The following MYO9A variants were observed in gnomAD, a reference collection of about 807,000 sequenced individuals.
MYO9A encodes unconventional myosin-IXa.
Under a neutral mutation model 293.3 loss-of-function variants are expected in MYO9A, and 103 were observed. That is an observed-to-expected ratio of 0.35 (90% CI 0.30 to 0.41). MYO9A has a LOEUF of 0.41. Among genes scored for constraint, MYO9A ranks in the 10% least tolerant of loss-of-function variants. The probability of loss-of-function intolerance (pLI) is 1.00; values close to 1 mark genes in which losing one functional copy is unlikely to be tolerated. For missense variants in MYO9A, 2,685 were observed against 3,033.0 expected, an observed-to-expected ratio of 0.89 and a Z score of 2.69; for synonymous variants, 1,001 against 1,035.7, an observed-to-expected ratio of 0.97 and a Z score of 0.64.
intron 32 of MYO9A, among the ~76,000 whole-genome samples, chr15:71,873,471 GT>G (rs151098311): frequency 2.5e-4 from 37 of 148,904 alleles, no homozygotes; most frequent in African/African-American, 8.9e-4. Flanking sequence ...TGCTGGGTCA[GT>G]TTTTTTTTTC....
chr15:72,051,431 T>TCTGG (rs1017984294), intron 1 of MYO9A, among the ~76,000 whole-genome samples: 1 of 152,080 alleles, frequency 6.6e-6, no homozygotes, highest in Non-Finnish European at 1.5e-5. Context: ...CAGGCATCAC[T>TCTGG]GTGCTCTTGG....
intron 3 of MYO9A, among the ~76,000 whole-genome samples, chr15:72,029,772 C>T (rs2149383778): frequency 6.6e-6 from 1 of 152,254 alleles, no homozygotes; most frequent in South Asian, 2.1e-4. Flanking sequence ...AACTTCTTAC[C>T]CAAATGGGTG....
chr15:72,074,480 C>G (rs1218380421), intron 1 of MYO9A, among the ~76,000 whole-genome samples: 1 of 152,154 alleles, frequency 6.6e-6, no homozygotes, highest in Non-Finnish European at 1.5e-5. Flanking sequence ...TCTAGGCTAA[C>G]AGACAAGTGA....
intron 7 of MYO9A, among the ~76,000 whole-genome samples, chr15:72,008,462 T>C (rs949905424): frequency 2.7e-5 from 4 of 150,726 alleles, no homozygotes; most frequent in Non-Finnish European, 4.4e-5. Flanking sequence ...TGTGTGTGTG[T>C]GTGTGTGTGT....
intron 27 of MYO9A, among the ~76,000 whole-genome samples, chr15:71,886,165 G>A (rs1326774712): frequency 6.9e-6 from 1 of 145,300 alleles, no homozygotes; most frequent in Non-Finnish European, 1.5e-5. Context: ...ACGGTGATCA[G>A]TGGTATGTGA....
intron 1 of MYO9A, among the ~76,000 whole-genome samples, chr15:72,104,642 T>C (rs886682115): frequency 6.6e-6 from 1 of 152,204 alleles, no homozygotes; most frequent in Admixed American, 6.5e-5. Flanking sequence ...TCTGAATGAT[T>C]CCCTAAACCA....
At position 71,879,729 on chromosome 15, in the gene MYO9A, C is replaced by A; in HGVS notation, c.5731G>T (p.Ala1911Ser). 6.2e-7 allele frequency: 1 copy of A among 1,608,716 alleles called. No homozygotes were observed. Among genetic ancestry groups the A allele is most frequent in the Non-Finnish European group, 8.5e-7 (1 of 1,175,440 alleles). Reference protein sequence around the residue: ...RQNIFSFYSSALAMDDGKSIR... With the variant: ...RQNIFSFYSSSLAMDDGKSIR... ...AACATAGTCCAACTCACCGCCAATG[C>A]AGATGAATAAAAGCTGAAGATATTC... The change falls in exon 30 of 42, where the codon GCA (alanine) becomes TCA (serine). Residue 1911 changes from alanine to serine, a missense_variant. Physicochemically the swap from Ala to Ser is moderately conservative, Grantham distance 99. Transcript: ENST00000356056.
chr15:71,979,320 G>A lies in MYO9A; in HGVS notation c.1723-1028C>T, dbSNP rs144731086. Among the ~76,000 whole-genome samples, 148 of 151,922 alleles carry A rather than the reference G, an allele frequency of 9.7e-4. 1 individual carries two copies. Among genetic ancestry groups the A allele is most frequent in the Middle Eastern group, 3.4e-3 (1 of 294 alleles). On this transcript the variant is annotated intron_variant, in intron 11 of 41. Transcript: ENST00000356056. ...TCACTCCCCAATGGCAGTAAGAAAG[G>A]TATTTCCCCCCAATTTTTTGCAGCA...
intron 8 of MYO9A, among the ~76,000 whole-genome samples, chr15:72,000,369 T>C (rs1457492993): frequency 1.3e-5 from 2 of 152,202 alleles, no homozygotes; most frequent in African/African-American, 2.4e-5. Flanking sequence ...CTAGGAATAT[T>C]CCAAAATATA....
intron 25 of MYO9A, among the ~76,000 whole-genome samples, chr15:71,895,402 C>A (rs1212090611): frequency 6.6e-6 from 1 of 152,146 alleles, no homozygotes; most frequent in Non-Finnish European, 1.5e-5. Context: ...GTACTCATCA[C>A]CACTACAGTA....
chr15:71,859,862 G>T, intron 33 of MYO9A, 66 bp from the exon 34 acceptor site: 2 of 1,374,970 alleles, frequency 1.5e-6, no homozygotes, highest in Non-Finnish European at 1.0e-6. Context: ...AACTTATCAA[G>T]TATACTTTAT....
At chr15:72,037,169 C>A (rs992730626) in intron 2 of MYO9A, among the ~76,000 whole-genome samples, 9 of 150,642 alleles carry the variant, frequency 6.0e-5, no homozygotes, top group Non-Finnish European at 1.3e-4. Context: ...CCCACTGCAC[C>A]CACCCACCAT....
chr15:71,983,470 C>CTTTTTTTTTTTTTTT (rs1170508506), intron 11 of MYO9A, among the ~76,000 whole-genome samples: 19 of 72,904 alleles, frequency 2.6e-4, no homozygotes, highest in Admixed American at 8.2e-4. Flanking sequence ...TTTTTTATTT[C>CTTTTTTTTTTTTTTT]TTTTTTTTTT....
intron 25 of MYO9A, among the ~76,000 whole-genome samples, chr15:71,895,288 T>C (rs886870838): frequency 6.6e-6 from 1 of 152,228 alleles, no homozygotes; most frequent in African/African-American, 2.4e-5. Context: ...AGGATCTTGA[T>C]AGTACTTGAC....
intron 23 of MYO9A, among the ~76,000 whole-genome samples, chr15:71,900,739 A>G (rs927864880): frequency 7.2e-5 from 11 of 152,196 alleles, no homozygotes; most frequent in African/African-American, 2.2e-4. Flanking sequence ...ATTTTCTTGC[A>G]CAAATGGAAA....
Position 72,077,758 on chromosome 15 carries a change from T to A in MYO9A, c.-71-31124A>T, listed in dbSNP as rs1299446871. The stretch of plus-strand genomic sequence containing the variant: ...GAAAAAAAAAAAAAAAAAAAATATA[T>A]ATATATATATATATATATATATAAA... On this transcript the variant is annotated intron_variant, in intron 1 of 41. Transcript: ENST00000356056. Among the ~76,000 whole-genome samples, 239 of 28,532 alleles carry A rather than the reference T, an allele frequency of 8.4e-3. 1 individual carries two copies. Among genetic ancestry groups the A allele is most frequent in the African/African-American group, 0.022 (217 of 10,016 alleles). The allele number at this position is 28,532 out of a possible 152,430, so 18.7% of individuals were successfully genotyped here. A position where few individuals can be genotyped will look rare whatever the true frequency, so the allele number is the denominator to read the frequency against.
At chr15:72,090,465 A>G (rs2079871352) in intron 1 of MYO9A, among the ~76,000 whole-genome samples, 1 of 152,176 alleles carries the variant, frequency 6.6e-6, no homozygotes, top group African/African-American at 2.4e-5. Flanking sequence ...GCTTCATCCT[A>G]TCAGCCTAAC....
intron 25 of MYO9A, 200 bp downstream of exon 25, chr15:71,897,261 T>G: frequency 1.7e-6 from 1 of 583,826 alleles, no homozygotes; most frequent in Non-Finnish European, 3.0e-6. Flanking sequence ...CTGCTATTCA[T>G]GATCAGTCAA....
chr15:71,903,061 A>T lies in MYO9A; in HGVS notation c.2880T>A (p.Asp960Glu), dbSNP rs757960851. The change falls in exon 22 of 42, where the codon GAT becomes GAA. Residue 960 changes from aspartate to glutamate, a missense_variant and splice_region_variant. Asp to Glu is a conservative substitution (Grantham distance 45). Transcript: ENST00000356056. ...GAAGTACATGGAAGTGGCTCACAAA[A>T]TCCTGAAAAATAATTTAAAAATATT... ...SGYSSKYSFQ[D>E]FVSHFHVLLP... 6.3e-7 allele frequency: 1 copy of T among 1,585,424 alleles called. No homozygotes were observed. Among genetic ancestry groups the T allele is most frequent in the Non-Finnish European group, 8.6e-7 (1 of 1,163,574 alleles).
Sources: gnomAD v4.1 joint callset for allele counts (sites outside exome capture counted in the v4.1 genomes callset) on GRCh38, gnomAD v4.1.1 for gene constraint, MANE v1.5 for transcripts, NCBI Gene and HGNC (gene_info 2026-07-23, HGNC 2026-07-21) for gene names.